Variants in CDH4 observed in about 807,000 individuals in gnomAD.
The protein encoded by CDH4 is cadherin 4.
Under a neutral mutation model 86.0 loss-of-function variants are expected in CDH4, and 33 were observed. The ratio of observed to expected loss-of-function variants is 0.38; its 90% CI spans 0.29 to 0.51. The LOEUF is 0.51. Ranked by LOEUF, CDH4 falls within the 20% of genes least tolerant of loss-of-function variation. The pLI, the probability that CDH4 is intolerant of heterozygous loss-of-function variation, is 0.86. For missense variants in CDH4, 1,114 were observed against 1,307.4 expected (o/e 0.85, Z 2.28); for synonymous variants, 555 against 549.4 (o/e 1.01, Z -0.14).
chr20:61,387,297 C>T (rs1029993153), intron 2 of CDH4, among the ~76,000 whole-genome samples: 4 of 151,520 alleles, frequency 2.6e-5, no homozygotes, highest in Admixed American at 1.3e-4. Flanking sequence ...GCCACACAAA[C>T]ATACACATAC....
At chr20:61,494,060 C>G (rs533109230) in intron 2 of CDH4, among the ~76,000 whole-genome samples, 2 of 152,188 alleles carry the variant, frequency 1.3e-5, no homozygotes, top group African/African-American at 4.8e-5. Flanking sequence ...AGAAAATGGC[C>G]GTCTGACTGC....
intron 2 of CDH4, among the ~76,000 whole-genome samples, chr20:61,611,250 C>T (rs1376358174): frequency 6.6e-6 from 1 of 152,070 alleles, no homozygotes; most frequent in Non-Finnish European, 1.5e-5. Context: ...GCAAAAAGTT[C>T]CCATAATCTC....
At chr20:61,918,838 G>A (rs984895701) in intron 9 of CDH4, among the ~76,000 whole-genome samples, 4 of 152,182 alleles carry the variant, frequency 2.6e-5, no homozygotes, top group African/African-American at 9.7e-5. Flanking sequence ...CACCGTCTCA[G>A]TTTTCCTTCC....
chr20:61,499,627 C>A (rs928120575), intron 2 of CDH4: 4 of 758,506 alleles, frequency 5.3e-6, no homozygotes, highest in African/African-American at 3.7e-5. Context: ...TAGACCTCAG[C>A]CTGCAGACAC....
chr20:61,444,809 ATCTTTGTGTG>A (rs2085338596), intron 2 of CDH4, among the ~76,000 whole-genome samples: 4 of 131,848 alleles, frequency 3.0e-5, no homozygotes, highest in Non-Finnish European at 5.0e-5. Context: ...ATGTATGTGT[ATCTTTGTGTG>A]TCTTTGTGTA....
At chr20:61,786,468 G>T (rs1028988442) in intron 4 of CDH4, among the ~76,000 whole-genome samples, 1 of 152,142 alleles carries the variant, frequency 6.6e-6, no homozygotes, top group Non-Finnish European at 1.5e-5. Flanking sequence ...ACTGCCCTGG[G>T]TTGTGTGGTT....
At chr20:61,753,942 T>C (rs755719173) in intron 3 of CDH4, among the ~76,000 whole-genome samples, 25 of 152,084 alleles carry the variant, frequency 1.6e-4, no homozygotes, top group Non-Finnish European at 2.9e-4. Flanking sequence ...ATGTAATTAG[T>C]GAAGAAGAAG....
intron 3 of CDH4, among the ~76,000 whole-genome samples, chr20:61,752,049 C>T (rs2088503122): frequency 6.6e-6 from 1 of 152,204 alleles, no homozygotes; most frequent in African/African-American, 2.4e-5. Context: ...ATAAGAACTT[C>T]TGCCAGGTGC....
At chr20:61,493,086 A>C (rs2085637231) in intron 2 of CDH4, among the ~76,000 whole-genome samples, 1 of 152,226 alleles carries the variant, frequency 6.6e-6, no homozygotes, top group South Asian at 2.1e-4. Flanking sequence ...GACTCTAATA[A>C]AGTCACTCAA....
At chr20:61,798,394 C>CT (rs1442372794) in intron 4 of CDH4, among the ~76,000 whole-genome samples, 1 of 152,252 alleles carries the variant, frequency 6.6e-6, no homozygotes, top group African/African-American at 2.4e-5. Context: ...GTCCTCAGCC[C>CT]GTCCGGACCC....
chr20:61,705,097 G>A (rs1012702743), intron 2 of CDH4, among the ~76,000 whole-genome samples: 11 of 152,342 alleles, frequency 7.2e-5, no homozygotes, highest in African/African-American at 2.6e-4. Flanking sequence ...TTGTCTCGTT[G>A]GCATGTCCCT....
chr20:61,862,490 A>G (rs1166232185), intron 6 of CDH4, among the ~76,000 whole-genome samples: 2 of 152,194 alleles, frequency 1.3e-5, no homozygotes, highest in African/African-American at 2.4e-5. Context: ...AGGGAGGCAG[A>G]TGTCTGCCAG....
At chr20:61,843,934 G>A (rs35523356) in intron 4 of CDH4, among the ~76,000 whole-genome samples, 61,435 of 152,092 alleles carry the variant, frequency 0.4, 15,217 homozygotes, top group Non-Finnish European at 0.56. Flanking sequence ...TCTGGGAAGC[G>A]CCACTCACCT....
In CDH4 at chr20:61,565,231, T is replaced by TCCTCTTGGTGATGGGGA. The variant is rs1372940127; in HGVS notation, c.170-178332_170-178331insCCTCTTGGTGATGGGGA. ...CGGTGCTCTCGGTGGTAGGTGGTGG[T>TCCTCTTGGTGATGGGGA]GGTGGTGGTGGCGGTGCTCTTGGTG... On this transcript the variant is annotated intron_variant, in intron 2 of 15. Transcript: ENST00000614565. Among the ~76,000 whole-genome samples, 74 of 45,778 alleles carry TCCTCTTGGTGATGGGGA rather than the reference T, an allele frequency of 1.6e-3. 8 individuals carry two copies. The highest frequency in any genetic ancestry group is 3.9e-3 in the South Asian group (4 of 1,034). The allele number at this position is 45,778 out of a possible 152,430, so 30.0% of individuals were successfully genotyped here. A position where few individuals can be genotyped will look rare whatever the true frequency, so the allele number is the denominator to read the frequency against.
Position 61,582,423 on chromosome 20 carries a change from CCTT to C in CDH4, c.170-161137_170-161135del, listed in dbSNP as rs1238822733. ...CCTGCCTGGGGCCCTGTCCGCAAGTCCTTCTCAGAACCATCCCATGTGCCTGTC... is the reference window on the plus strand; with the variant it reads ...CCTGCCTGGGGCCCTGTCCGCAAGTCCTCAGAACCATCCCATGTGCCTGTC... On this transcript the variant is annotated intron_variant, in intron 2 of 15. Coordinates refer to ENST00000614565, the MANE Select transcript of CDH4 (RefSeq NM_001794.5). This position sits in a 1 kb window ranked among gnomAD's most constrained non-coding sequence, Gnocchi z 4.2. Among the ~76,000 whole-genome samples, 1 of 152,238 alleles carries C rather than the reference CCTT, an allele frequency of 6.6e-6. No individual in the cohort carries two copies. Among genetic ancestry groups the C allele is most frequent in the African/African-American group, 2.4e-5 (1 of 41,468 alleles).
chr20:61,904,895 C>T (rs539228276), intron 8 of CDH4, among the ~76,000 whole-genome samples: 1 of 152,356 alleles, frequency 6.6e-6, no homozygotes, highest in African/African-American at 2.4e-5. Flanking sequence ...CATAAGGGAA[C>T]AGCTGGGTGG....
chr20:61,502,970 C>T (rs567221612), intron 2 of CDH4, among the ~76,000 whole-genome samples: 16 of 152,216 alleles, frequency 1.1e-4, no homozygotes, highest in East Asian at 1.9e-4. Context: ...CATTTCTGCA[C>T]GCCAAAGATG....
At chr20:61,632,862 A>G (rs1327447164) in intron 2 of CDH4, among the ~76,000 whole-genome samples, 1 of 22,682 alleles carries the variant, frequency 4.4e-5, no homozygotes, top group Non-Finnish European at 8.7e-5. Context: ...CCTCCCACCC[A>G]CTCACTTCTC....
chr20:61,383,529 A>G lies in CDH4; in HGVS notation c.169+128592A>G, dbSNP rs201835376. On this transcript the variant is annotated intron_variant, in intron 2 of 15. Coordinates refer to ENST00000614565, the MANE Select transcript of CDH4 (RefSeq NM_001794.5). ...ATGATATATATGAATATGTATGAATATATATGAATATATATGAATATATAT... is the reference window on the plus strand; with the variant it reads ...ATGATATATATGAATATGTATGAATGTATATGAATATATATGAATATATAT... 7.6e-5 allele frequency among the ~76,000 whole-genome samples: 6 copies of G among 79,398 alleles called. 2 individuals carry two copies. The East Asian group carries it at 1.7e-3, about 23-fold the overall frequency. The allele number at this position is 79,398 out of a possible 152,430, so 52.1% of individuals were successfully genotyped here. A position where few individuals can be genotyped will look rare whatever the true frequency, so the allele number is the denominator to read the frequency against.
Sources: allele counts gnomAD v4.1 joint callset (sites outside exome capture counted in the v4.1 genomes callset), GRCh38; gene constraint gnomAD v4.1.1; non-coding constraint Gnocchi (gnomAD v3.1); transcripts MANE v1.5; gene names NCBI Gene and HGNC (gene_info 2026-07-23, HGNC 2026-07-21).